KCNK13: variants seen among roughly 807,000 people sequenced by gnomAD.
KCNK13 encodes the protein potassium channel subfamily K member 13.
In KCNK13, 12 loss-of-function variants were observed where a neutral mutation model predicts 23.4. The observed-to-expected ratio is 0.51, with a 90% CI of 0.33 to 0.83. KCNK13 has a LOEUF of 0.83. KCNK13 is among the 40% of genes least tolerant of loss of function. KCNK13 has a pLI of 0.02. For synonymous variants in KCNK13, 231 were observed against 229.5 expected (o/e 1.01, Z -0.06); for missense variants, 463 against 556.3 (o/e 0.83, Z 1.69).
chr14:90,064,904 T>C (rs1888990375), intron 1 of KCNK13, among the ~76,000 whole-genome samples: 1 of 152,210 alleles, frequency 6.6e-6, no homozygotes, highest in Non-Finnish European at 1.5e-5. Flanking sequence ...GCAATGCAGC[T>C]CATTGCTGTG....
chr14:90,070,605 T>C (rs1037245440), intron 1 of KCNK13, among the ~76,000 whole-genome samples: 2 of 152,244 alleles, frequency 1.3e-5, no homozygotes, highest in Non-Finnish European at 2.9e-5. Context: ...AGTTTCGTAT[T>C]TCAGTCCTTT....
chr14:90,165,999 A>G (rs1890297906), intron 1 of KCNK13, among the ~76,000 whole-genome samples: 2 of 152,230 alleles, frequency 1.3e-5, no homozygotes, highest in Admixed American at 1.3e-4. Flanking sequence ...ATTTGTAGTA[A>G]TGCAGATGAT....
intron 1 of KCNK13, among the ~76,000 whole-genome samples, chr14:90,173,844 A>G (rs751800024): frequency 6.6e-6 from 1 of 152,236 alleles, no homozygotes. Context: ...GCTATAAAGA[A>G]ACACCTGAGA....
intron 1 of KCNK13, among the ~76,000 whole-genome samples, chr14:90,100,272 G>T (rs993595541): frequency 7.2e-5 from 11 of 152,138 alleles, no homozygotes; most frequent in African/African-American, 2.7e-4. Context: ...TTCCACCCAA[G>T]AAACTCTATA....
rs778654067 is a variant in KCNK13 at position 90,094,645 on chromosome 14, CTTT to C, written c.334+32126_334+32128del. ...ATTATCAGGGACTTTTCTTTTTTTT[CTTT>C]TTTTTTTTTTTTTTTTTTTGAGATG... On this transcript the variant is annotated intron_variant, in intron 1 of 1. Coordinates refer to ENST00000282146, the MANE Select transcript of KCNK13 (RefSeq NM_022054.4). Among the ~76,000 whole-genome samples the C allele has an allele frequency of 7.8e-4, 87 of 111,584 alleles. 1 individual carries two copies. Among genetic ancestry groups the C allele is most frequent in the East Asian group, 1.6e-3 (6 of 3,864 alleles). The allele number at this position is 111,584 out of a possible 152,430, so 73.2% of individuals were successfully genotyped here.
At chr14:90,146,402 G>A (rs978727539) in intron 1 of KCNK13, among the ~76,000 whole-genome samples, 31 of 152,142 alleles carry the variant, frequency 2.0e-4, no homozygotes, top group Middle Eastern at 3.4e-3. Flanking sequence ...TGCAACTTTT[G>A]CCTCCTGGGT....
Position 90,109,895 on chromosome 14 carries a change from G to C in KCNK13, c.334+47356G>C, listed in dbSNP as rs1889594434. Among the ~76,000 whole-genome samples the C allele has an allele frequency of 1.3e-5, 2 of 151,514 alleles. 1 individual carries two copies. Among genetic ancestry groups the C allele is most frequent in the South Asian group, 4.2e-4 (2 of 4,780 alleles). Reference sequence around the variant, plus strand: ...AGCTAATTTTTGTATTTTTTGTAGAGACAGGATTTCGCCATTTTCCCAGGC... The same window carrying C: ...AGCTAATTTTTGTATTTTTTGTAGACACAGGATTTCGCCATTTTCCCAGGC... On this transcript the variant is annotated intron_variant, in intron 1 of 1. Coordinates refer to ENST00000282146, the MANE Select transcript of KCNK13 (RefSeq NM_022054.4).
intron 1 of KCNK13, among the ~76,000 whole-genome samples, chr14:90,182,524 A>T (rs1890499290): frequency 6.6e-6 from 1 of 152,178 alleles, no homozygotes; most frequent in Admixed American, 6.5e-5. Flanking sequence ...TTGAACTTGA[A>T]AATAAGGAAA....
At chr14:90,078,371 G>A (rs1365437082) in intron 1 of KCNK13, among the ~76,000 whole-genome samples, 1 of 144,546 alleles carries the variant, frequency 6.9e-6, no homozygotes, top group African/African-American at 2.6e-5. Context: ...AGTGAACCAA[G>A]GTCATGCCAT....
At chr14:90,141,209 A>G (rs904690815) in intron 1 of KCNK13, among the ~76,000 whole-genome samples, 3 of 152,210 alleles carry the variant, frequency 2.0e-5, no homozygotes, top group African/African-American at 4.8e-5. Flanking sequence ...GCAAACACAC[A>G]CAAGAAAGTG....
At chr14:90,178,165 C>T (rs1044327152) in intron 1 of KCNK13, among the ~76,000 whole-genome samples, 12 of 121,342 alleles carry the variant, frequency 9.9e-5, no homozygotes, top group Non-Finnish European at 1.9e-4. Flanking sequence ...AAAGTAAAGA[C>T]ATGGTGAACA....
intron 1 of KCNK13, among the ~76,000 whole-genome samples, chr14:90,112,903 T>A (rs1470101749): frequency 6.6e-6 from 1 of 151,754 alleles, no homozygotes; most frequent in Non-Finnish European, 1.5e-5. Context: ...AAAAAAAGTC[T>A]GTTGAAAAGA....
chr14:90,122,995 A>G (rs1451945867), intron 1 of KCNK13, among the ~76,000 whole-genome samples: 3 of 152,186 alleles, frequency 2.0e-5, no homozygotes, highest in Non-Finnish European at 4.4e-5. Flanking sequence ...CTTAGCCGAG[A>G]TCACATGGCC....
At chr14:90,177,701 A>G (rs1890438600) in intron 1 of KCNK13, among the ~76,000 whole-genome samples, 1 of 152,094 alleles carries the variant, frequency 6.6e-6, no homozygotes, top group Admixed American at 6.5e-5. Flanking sequence ...GTATGAAGGG[A>G]GCCAGCTGAC....
At chr14:90,144,174 G>A (rs1464285320) in intron 1 of KCNK13, among the ~76,000 whole-genome samples, 1 of 152,052 alleles carries the variant, frequency 6.6e-6, no homozygotes, top group African/African-American at 2.4e-5. Flanking sequence ...ATTGTCTTCC[G>A]AGCCATAAAC....
At chr14:90,182,307 A>C (rs1342667921) in intron 1 of KCNK13, among the ~76,000 whole-genome samples, 1 of 152,150 alleles carries the variant, frequency 6.6e-6, no homozygotes, top group African/African-American at 2.4e-5. Flanking sequence ...CCTTGGCTTG[A>C]CTTGAGCAGA....
intron 1 of KCNK13, among the ~76,000 whole-genome samples, chr14:90,114,177 T>C (rs747752759): frequency 7.9e-5 from 12 of 152,180 alleles, no homozygotes; most frequent in Non-Finnish European, 1.3e-4. Context: ...CCAATTTCTA[T>C]CTAGAGCATC....
At chr14:90,099,049 T>C (rs1395266300) in intron 1 of KCNK13, among the ~76,000 whole-genome samples, 1 of 151,990 alleles carries the variant, frequency 6.6e-6, no homozygotes, top group African/African-American at 2.4e-5. Flanking sequence ...CACTCCAGCC[T>C]GGGTGGCAGA....
At chr14:90,121,420 G>A (rs574172340) in intron 1 of KCNK13, among the ~76,000 whole-genome samples, 1 of 152,288 alleles carries the variant, frequency 6.6e-6, no homozygotes, top group South Asian at 2.1e-4. Context: ...GAGGGATGTT[G>A]TTACGCCGTG....
Sources: gnomAD v4.1 joint callset for allele counts (sites outside exome capture counted in the v4.1 genomes callset) on GRCh38, gnomAD v4.1.1 for gene constraint, MANE v1.5 for transcripts, NCBI Gene and HGNC (gene_info 2026-07-23, HGNC 2026-07-21) for gene names.